The following CNBD1 variants were observed in gnomAD, a reference collection of about 807,000 sequenced individuals.
CNBD1 encodes cyclic nucleotide-binding domain-containing protein 1.
Under a neutral mutation model 54.4 loss-of-function variants are expected in CNBD1, and 71 were observed. That is an observed-to-expected ratio of 1.30 (90% confidence interval 1.08 to 1.59). The LOEUF (loss-of-function observed/expected upper bound fraction) is 1.59. Ranked by LOEUF, CNBD1 falls within the 40% of genes most tolerant of loss-of-function variation. CNBD1 has a pLI of 0.00. For synonymous variants in CNBD1, 182 were observed against 170.7 expected (o/e 1.07, Z -0.51); for missense variants, 659 against 518.0 (o/e 1.27, Z -2.64).
chr8:87,248,762 C>T (rs964373284), intron 6 of CNBD1, among the ~76,000 whole-genome samples: 9 of 152,142 alleles, frequency 5.9e-5, no homozygotes, highest in Non-Finnish European at 1.2e-4. Flanking sequence ...GTCTTTCCCC[C>T]TTTTCAAAGA....
rs370523703 is a variant in CNBD1 at position 86,900,220 on chromosome 8, G to GTATGTTCTTCTAAGGTATAAGA, written c.159-4858_159-4837dup. On this transcript the variant is annotated intron_variant, in intron 2 of 10. Coordinates refer to ENST00000518476, the MANE Select transcript of CNBD1 (RefSeq NM_173538.3). ...TATAAGGTATGTTCTAAGGTATAAGGTATGTTCTTCTAAGGTATAAGATAC... is the reference window on the plus strand; with the variant it reads ...TATAAGGTATGTTCTAAGGTATAAGGTATGTTCTTCTAAGGTATAAGATATGTTCTTCTAAGGTATAAGATAC... Among the ~76,000 whole-genome samples the GTATGTTCTTCTAAGGTATAAGA allele has an allele frequency of 9.9e-3, 1,502 of 152,040 alleles. 25 individuals are homozygous for GTATGTTCTTCTAAGGTATAAGA. Among genetic ancestry groups the GTATGTTCTTCTAAGGTATAAGA allele is most frequent in the African/African-American group, 0.033 (1,361 of 41,412 alleles).
chr8:86,870,874 G>T (rs1434967782), intron 1 of CNBD1, among the ~76,000 whole-genome samples: 1 of 152,060 alleles, frequency 6.6e-6, no homozygotes, highest in African/African-American at 2.4e-5. Flanking sequence ...TGGGAAAAAG[G>T]TTGAATGTTT....
intron 8 of CNBD1, among the ~76,000 whole-genome samples, chr8:87,320,209 C>T (rs559435058): frequency 2.0e-4 from 30 of 152,082 alleles, no homozygotes; most frequent in Admixed American, 1.1e-3. Flanking sequence ...TTATTGTTTG[C>T]CTTATCAAGT....
chr8:87,245,974 C>T (rs1337805284), intron 6 of CNBD1, among the ~76,000 whole-genome samples: 9 of 151,980 alleles, frequency 5.9e-5, no homozygotes, highest in Admixed American at 5.2e-4. Flanking sequence ...TAAAGTACAG[C>T]AGGTTCTTGG....
rs1554588016 is a variant in CNBD1, at chr8:87,411,397, C to CATATATACATATATATATATATAT, written c.214-17142_214-17141insCATATATATATATATATATATATA. Among the ~76,000 whole-genome samples the CATATATACATATATATATATATAT allele has an allele frequency of 1.9e-3, 171 of 92,376 alleles. 5 individuals are homozygous for CATATATACATATATATATATATAT. The highest frequency in any genetic ancestry group is 6.4e-3 in the African/African-American group (147 of 23,022). 60.6% of individuals were successfully genotyped at this position (92,376 alleles called of 152,430 possible). ...ATAGGCAGGATTAACCTAGCTATAT[C>CATATATACATATATATATATATAT]ATATATATATATATATATATATATA... On this transcript the variant is annotated intron_variant, in intron 2 of 7. Coordinates refer to the CNBD1 transcript ENST00000521593.
intron 3 of CNBD1, among the ~76,000 whole-genome samples, chr8:86,906,492 A>G (rs62528025): frequency 0.42 from 63,948 of 151,824 alleles, 13,984 homozygotes; most frequent in African/African-American, 0.53. Flanking sequence ...AGATGTACAT[A>G]CATCTGGAAT....
At chr8:87,069,993 T>A (rs935020635) in intron 4 of CNBD1, among the ~76,000 whole-genome samples, 2 of 152,064 alleles carry the variant, frequency 1.3e-5, no homozygotes, top group African/African-American at 4.8e-5. Flanking sequence ...GGTTGAAGGC[T>A]GAGGTTTTCA....
At chr8:86,928,964 AT>A (rs957786372) in intron 3 of CNBD1, among the ~76,000 whole-genome samples, 54 of 152,304 alleles carry the variant, frequency 3.5e-4, no homozygotes, top group African/African-American at 1.3e-3. Flanking sequence ...GGAGAAAACT[AT>A]CCCCCTGTGA....
intron 4 of CNBD1, among the ~76,000 whole-genome samples, chr8:86,964,010 C>T (rs370021375): frequency 2.0e-5 from 3 of 152,166 alleles, no homozygotes; most frequent in African/African-American, 4.8e-5. Context: ...ATTAGAGCCT[C>T]TGTCTTTTTC....
chr8:86,917,810 A>G (rs1324882739), intron 3 of CNBD1, among the ~76,000 whole-genome samples: 2 of 152,132 alleles, frequency 1.3e-5, no homozygotes, highest in Admixed American at 1.3e-4. Flanking sequence ...ACACACCCAA[A>G]CCAAGTCCAG....
intron 6 of CNBD1, among the ~76,000 whole-genome samples, chr8:87,282,678 T>A (rs910761290): frequency 2.6e-5 from 4 of 152,038 alleles, no homozygotes; most frequent in African/African-American, 7.2e-5. Context: ...TCTGATGATA[T>A]TTTTTAATTA....
At chr8:87,226,081 G>A (rs1436528185) in intron 5 of CNBD1, among the ~76,000 whole-genome samples, 1 of 152,070 alleles carries the variant, frequency 6.6e-6, no homozygotes, top group Non-Finnish European at 1.5e-5. Flanking sequence ...GGGATCGGTG[G>A]TGATATCCCC....
chr8:86,872,898 C>G (rs1808460854), intron 1 of CNBD1, among the ~76,000 whole-genome samples: 1 of 152,102 alleles, frequency 6.6e-6, no homozygotes, highest in Non-Finnish European at 1.5e-5. Context: ...GTTTCCTTTT[C>G]TGTGCAGAAG....
intron 1 of CNBD1, among the ~76,000 whole-genome samples, chr8:86,884,237 T>G (rs1808648920): frequency 6.6e-6 from 1 of 152,060 alleles, no homozygotes; most frequent in Admixed American, 6.5e-5. Context: ...GCCCCCATTT[T>G]CTCTTCTCAG....
At chr8:87,397,481 GC>G (rs1323518021) in intron 2 of CNBD1, among the ~76,000 whole-genome samples, 1 of 151,798 alleles carries the variant, frequency 6.6e-6, no homozygotes, top group Non-Finnish European at 1.5e-5. Context: ...ATATAACTTT[GC>G]CACAAAACTA....
chr8:87,168,182 C>G (rs1376787974), intron 4 of CNBD1, among the ~76,000 whole-genome samples: 2 of 152,148 alleles, frequency 1.3e-5, no homozygotes, highest in African/African-American at 2.4e-5. Flanking sequence ...TGGATCCACA[C>G]TGGCATTGCT....
At chr8:87,424,887 A>G (rs891649235) in intron 2 of CNBD1, among the ~76,000 whole-genome samples, 3 of 152,130 alleles carry the variant, frequency 2.0e-5, no homozygotes, top group East Asian at 1.9e-4. Flanking sequence ...GATTGGGGAA[A>G]TTCTCCTGGA....
intron 6 of CNBD1, among the ~76,000 whole-genome samples, chr8:87,275,871 A>C (rs1467271047): frequency 1.3e-5 from 2 of 151,970 alleles, no homozygotes; most frequent in African/African-American, 4.8e-5. Context: ...CAACTTCAGC[A>C]AAGTCTCAGG....
At chr8:86,941,151 T>C (rs1362454813) in intron 4 of CNBD1, among the ~76,000 whole-genome samples, 1 of 152,278 alleles carries the variant, frequency 6.6e-6, no homozygotes, top group South Asian at 2.1e-4. Flanking sequence ...TCTTAACTTA[T>C]AATAACAAAA....
Sources: allele counts gnomAD v4.1 joint callset (sites outside exome capture counted in the v4.1 genomes callset), GRCh38; gene constraint gnomAD v4.1.1; transcripts MANE v1.5; gene names NCBI Gene and HGNC (gene_info 2026-07-23, HGNC 2026-07-21).